The following ARHGEF7 variants were observed in gnomAD, a reference collection of about 807,000 sequenced individuals.
ARHGEF7 encodes the protein PAK-interacting exchange factor beta.
Under a neutral mutation model 109.8 loss-of-function variants are expected in ARHGEF7, and 33 were observed. The observed-to-expected ratio is 0.30, with a 90% CI of 0.23 to 0.40. The LOEUF (loss-of-function observed/expected upper bound fraction) is 0.40. Among genes scored for constraint, ARHGEF7 ranks in the 10% least tolerant of loss-of-function variants. The probability of loss-of-function intolerance (pLI) is 1.00; values close to 1 mark genes in which losing one functional copy is unlikely to be tolerated. For missense variants in ARHGEF7, 938 were observed against 1,098.5 expected (o/e 0.85, Z 2.07); for synonymous variants, 458 against 424.6 (o/e 1.08, Z -0.97).
At chr13:111,186,925 G>A (rs553447574) in intron 2 of ARHGEF7, 1 of 985,490 alleles carries the variant, frequency 1.0e-6, no homozygotes, top group Non-Finnish European at 1.2e-6. Context: ...TCTTTTTGGG[G>A]TCTACTACGT....
chr13:111,215,875 G>A (rs949131935), intron 4 of ARHGEF7, among the ~76,000 whole-genome samples: 1 of 152,090 alleles, frequency 6.6e-6, no homozygotes, highest in African/African-American at 2.4e-5. Context: ...CCCTGACTGT[G>A]TAGATCTCCT....
intron 6 of ARHGEF7, among the ~76,000 whole-genome samples, chr13:111,238,237 C>A (rs2087115285): frequency 1.3e-5 from 2 of 152,114 alleles, no homozygotes; most frequent in South Asian, 4.1e-4. Context: ...GGAAGGTGTA[C>A]AGCCTTTTTG....
intron 19 of ARHGEF7, among the ~76,000 whole-genome samples, chr13:111,299,629 A>G (rs1036187890): frequency 2.0e-5 from 3 of 152,324 alleles, no homozygotes; most frequent in Non-Finnish European, 4.4e-5. Context: ...GGCGTGAGCC[A>G]CGGCACCCGG....
chr13:111,305,337 T>G lies in ARHGEF7; in HGVS notation c.*2224T>G, dbSNP rs1027501492. The G allele has an allele frequency of 6.6e-6, 1 of 152,270 alleles. No homozygotes were observed. Among genetic ancestry groups the G allele is most frequent in the African/African-American group, 2.4e-5 (1 of 41,466 alleles). 9.4% of individuals were successfully genotyped at this position (152,270 alleles called of 1,614,324 possible). On this transcript the variant is annotated 3_prime_UTR_variant, in exon 22 of 22. Transcript: ENST00000646102. ...CTCCCAAGGGGGTGGGAACTTGATA[T>G]AAACGTTTAAAGGGGCCACGATTTG... is the stretch of plus-strand genomic sequence containing the variant.
At chr13:111,207,963 C>G (rs1055157063) in intron 3 of ARHGEF7, among the ~76,000 whole-genome samples, 1 of 152,144 alleles carries the variant, frequency 6.6e-6, no homozygotes, top group African/African-American at 2.4e-5. Context: ...TAGGAATGAC[C>G]CCTCCTAGAT....
chr13:111,274,081 T>A, intron 10 of ARHGEF7, 129 bp downstream of exon 10: 1 of 1,176,338 alleles, frequency 8.5e-7, no homozygotes, highest in East Asian at 2.6e-5. Context: ...TACAAAGAGT[T>A]TTGTTAAATA....
chr13:111,227,633 G>A (rs1429548192), intron 5 of ARHGEF7, among the ~76,000 whole-genome samples: 1 of 152,164 alleles, frequency 6.6e-6, no homozygotes, highest in Non-Finnish European at 1.5e-5. Context: ...GTATTGCCAT[G>A]GTCTGAAACC....
chr13:111,133,877 T>C (rs2074950911), intron 1 of ARHGEF7, among the ~76,000 whole-genome samples: 1 of 148,778 alleles, frequency 6.7e-6, no homozygotes. Context: ...TATGTATACA[T>C]GTGCCATGTT....
rs947760540 is a variant in ARHGEF7 at position 111,153,828 on chromosome 13, C to T, written c.166-77C>T. ...CGCCCGCTGTGTTGGGAGCGCGGGCCGTGGGCGTCGCTCGGCCTTGTCCGC... is the reference window on the plus strand; with the variant it reads ...CGCCCGCTGTGTTGGGAGCGCGGGCTGTGGGCGTCGCTCGGCCTTGTCCGC... On this transcript the variant is annotated intron_variant, in intron 1 of 21. Coordinates refer to ENST00000646102, the MANE Select transcript of ARHGEF7 (RefSeq NM_001354046.2). 44 of 1,533,760 alleles carry T rather than the reference C, an allele frequency of 2.9e-5. No homozygotes were observed. The African/African-American group carries it at 5.3e-4, about 19-fold the overall frequency.
chr13:111,127,864 A>G (rs955911192), intron 1 of ARHGEF7, among the ~76,000 whole-genome samples: 2 of 151,406 alleles, frequency 1.3e-5, no homozygotes, highest in Admixed American at 1.3e-4. Flanking sequence ...CATGTAAAAG[A>G]TAAGATATCA....
intron 1 of ARHGEF7, among the ~76,000 whole-genome samples, chr13:111,149,055 G>C (rs780681254): frequency 6.6e-6 from 1 of 152,006 alleles, no homozygotes; most frequent in Non-Finnish European, 1.5e-5. Flanking sequence ...CTAGCAAAAA[G>C]TGATAGTCAT....
chr13:111,210,215 ATT>A (rs2082330049), intron 4 of ARHGEF7, among the ~76,000 whole-genome samples: 1 of 152,144 alleles, frequency 6.6e-6, no homozygotes, highest in Non-Finnish European at 1.5e-5. Flanking sequence ...TGAGAAACTC[ATT>A]TGTTTTTAGG....
intron 1 of ARHGEF7, among the ~76,000 whole-genome samples, chr13:111,147,011 A>G (rs1026813411): frequency 2.6e-5 from 4 of 152,330 alleles, no homozygotes; most frequent in African/African-American, 9.6e-5. Context: ...AGAATTTGGC[A>G]CAGGATTTCT....
rs1468316012 is a variant in ARHGEF7, at chr13:111,221,482, T to TATATAGACATCTATATATATAG, written c.670+3607_670+3608insGACATCTATATATATAGATATA. On this transcript the variant is annotated intron_variant, in intron 5 of 21. Transcript: ENST00000646102. Reference sequence around the variant, plus strand: ...ATATATAGACATCTATATATATAGATATATATAGACATATATATATCTATA... The same window carrying TATATAGACATCTATATATATAG: ...ATATATAGACATCTATATATATAGATATATAGACATCTATATATATAGATATATAGACATATATATATCTATA... Among the ~76,000 whole-genome samples the TATATAGACATCTATATATATAG allele has an allele frequency of 1.8e-3, 102 of 55,672 alleles. 9 individuals are homozygous for TATATAGACATCTATATATATAG. Among genetic ancestry groups the TATATAGACATCTATATATATAG allele is most frequent in the South Asian group, 2.7e-3 (6 of 2,196 alleles). 36.5% of individuals were successfully genotyped at this position (55,672 alleles called of 152,430 possible).
intron 1 of ARHGEF7, among the ~76,000 whole-genome samples, chr13:111,121,410 A>G (rs1430563173): frequency 6.6e-6 from 1 of 152,204 alleles, no homozygotes; most frequent in Non-Finnish European, 1.5e-5. Flanking sequence ...CACCACACAC[A>G]CTTTTAAAAT....
At chr13:111,280,445 T>C in intron 14 of ARHGEF7, 93 bp from the exon 15 acceptor site, 1 of 1,582,544 alleles carries the variant, frequency 6.3e-7, no homozygotes, top group East Asian at 2.2e-5. Context: ...CAGAAGGTGG[T>C]GTTTAAGCGC....
chr13:111,243,813 A>C, intron 6 of ARHGEF7, 59 bp from the exon 7 acceptor site: 1 of 1,123,768 alleles, frequency 8.9e-7, no homozygotes, highest in South Asian at 1.4e-5. Context: ...AAGTGTATAA[A>C]TCTTAGTGTC....
intron 1 of ARHGEF7, among the ~76,000 whole-genome samples, chr13:111,126,987 A>G (rs544147828): frequency 6.6e-6 from 1 of 152,360 alleles, no homozygotes; most frequent in South Asian, 2.1e-4. Context: ...CAAAACTGAA[A>G]GGTGGTTATT....
chr13:111,285,857 C>G (rs1003281074), intron 16 of ARHGEF7, among the ~76,000 whole-genome samples: 5 of 152,104 alleles, frequency 3.3e-5, no homozygotes, highest in Admixed American at 1.3e-4. Flanking sequence ...CAGCCTGCCT[C>G]CTGGTGACAC....
Sources: allele counts gnomAD v4.1 joint callset (sites outside exome capture counted in the v4.1 genomes callset), GRCh38; gene constraint gnomAD v4.1.1; transcripts MANE v1.5; gene names NCBI Gene and HGNC (gene_info 2026-07-23, HGNC 2026-07-21).